The following LEF1 variants were observed in gnomAD, a reference collection of about 807,000 sequenced individuals.
The protein encoded by LEF1 is lymphoid enhancer-binding factor 1.
In LEF1, 14 loss-of-function variants were observed where a neutral mutation model predicts 51.2. That is an observed-to-expected ratio of 0.27 (90% CI 0.18 to 0.43). The LOEUF (loss-of-function observed/expected upper bound fraction) is 0.43, where lower values mean the gene tolerates loss of function less well. Ranked by LOEUF, LEF1 falls within the 20% of genes least tolerant of loss-of-function variation. LEF1 has a pLI of 1.00. For synonymous variants in LEF1, 185 were observed against 183.2 expected (o/e 1.01, Z -0.08); for missense variants, 386 against 512.0 (o/e 0.75, Z 2.37).
intron 8 of LEF1, chr4:108,071,645 G>A (rs2126276196): frequency 6.6e-6 from 1 of 152,276 alleles, no homozygotes; most frequent in South Asian, 2.1e-4. Flanking sequence ...GCATACATCT[G>A]CACATGACTC....
At chr4:108,068,266 T>TCAAAACAAAA (rs373744253) in intron 9 of LEF1, among the ~76,000 whole-genome samples, 40 of 151,700 alleles carry the variant, frequency 2.6e-4, no homozygotes, top group African/African-American at 8.5e-4. Context: ...AATCTCTGTC[T>TCAAAACAAAA]CAAAACAAAA....
At position 108,095,954 on chromosome 4, in the gene LEF1, T is replaced by G. The variant is rs144044414; in HGVS notation, c.415-6697A>C. On this transcript the variant is annotated intron_variant, in intron 3 of 11. Coordinates refer to ENST00000265165, the MANE Select transcript of LEF1 (RefSeq NM_016269.5). ...TATGTAAAGTTGCAACATCCTATTA[T>G]TTGATTGATTTCACAACACCCTCAC... Among the ~76,000 whole-genome samples the G allele has an allele frequency of 3.3e-3, 495 of 152,256 alleles. 5 individuals are homozygous for G. Among genetic ancestry groups the G allele is most frequent in the African/African-American group, 0.011 (472 of 41,530 alleles).
intron 3 of LEF1, among the ~76,000 whole-genome samples, chr4:108,094,068 T>C (rs561442853): frequency 1.6e-3 from 240 of 152,340 alleles, no homozygotes; most frequent in African/African-American, 5.5e-3. Context: ...TGCAGAAGTC[T>C]GGCTCTAGAG....
intron 3 of LEF1, among the ~76,000 whole-genome samples, chr4:108,140,268 C>A (rs1461037225): frequency 2.0e-5 from 3 of 152,062 alleles, no homozygotes; most frequent in Non-Finnish European, 4.4e-5. Flanking sequence ...CAGACTGGAT[C>A]CAGTTTGAAA....
chr4:108,056,852 C>T (rs752464599), intron 11 of LEF1, among the ~76,000 whole-genome samples: 2 of 151,714 alleles, frequency 1.3e-5, no homozygotes, highest in African/African-American at 4.8e-5. Context: ...CAGGACCTCA[C>T]CACTGTGGTA....
chr4:108,068,523 T>C (rs923877129), intron 9 of LEF1, among the ~76,000 whole-genome samples: 3 of 152,348 alleles, frequency 2.0e-5, no homozygotes, highest in Admixed American at 2.0e-4. Context: ...GTCAAGAATT[T>C]AAGACAGTTC....
intron 8 of LEF1, 181 bp from the exon 9 acceptor site, chr4:108,070,951 A>C (rs1037213947): frequency 5.2e-5 from 28 of 541,722 alleles, no homozygotes; most frequent in African/African-American, 4.0e-4. Context: ...GCTACAGTGA[A>C]ACTCAAACTT....
At chr4:108,077,484 G>A (rs1809020) in intron 8 of LEF1, among the ~76,000 whole-genome samples, 3 of 89,808 alleles carry the variant, frequency 3.3e-5, no homozygotes, top group Admixed American at 1.2e-4. Context: ...GCCTCTGCCC[G>A]GCTGCCGCCC....
intron 9 of LEF1, among the ~76,000 whole-genome samples, chr4:108,067,462 T>G (rs1738150793): frequency 6.6e-6 from 1 of 151,752 alleles, no homozygotes; most frequent in African/African-American, 2.4e-5. Context: ...AAAGGTCATA[T>G]GAGGAAGATT....
intron 3 of LEF1, among the ~76,000 whole-genome samples, chr4:108,122,322 T>C (rs543875558): frequency 7.2e-5 from 11 of 152,196 alleles, no homozygotes; most frequent in African/African-American, 2.4e-4. Flanking sequence ...TTATCTGTTA[T>C]TATCATAGTT....
intron 3 of LEF1, among the ~76,000 whole-genome samples, chr4:108,112,872 GTCTAAC>G (rs1741615834): frequency 6.6e-6 from 1 of 152,112 alleles, no homozygotes; most frequent in Non-Finnish European, 1.5e-5. Context: ...TCAAACCAGA[GTCTAAC>G]TCTACAAAGT....
chr4:108,167,139 A>T lies in LEF1; in HGVS notation c.213+416T>A, dbSNP rs1320645054. ...CTTTTGCAGAGACATCTACCAAGAGATAGCGTGTGCACTTTGTTTTCCGTC... is the reference window on the plus strand; with the variant it reads ...CTTTTGCAGAGACATCTACCAAGAGTTAGCGTGTGCACTTTGTTTTCCGTC... On this transcript the variant is annotated intron_variant, in intron 1 of 11. Coordinates refer to ENST00000265165, the MANE Select transcript of LEF1 (RefSeq NM_016269.5). The surrounding 1 kb of genome is among the most constrained non-coding windows in gnomAD (Gnocchi z 5.7). Among the ~76,000 whole-genome samples, 1 of 152,098 alleles carries T rather than the reference A, an allele frequency of 6.6e-6. No homozygotes were observed. Among genetic ancestry groups the T allele is most frequent in the Non-Finnish European group, 1.5e-5 (1 of 67,994 alleles).
At chr4:108,134,144 T>G (rs933568211) in intron 3 of LEF1, among the ~76,000 whole-genome samples, 1 of 135,410 alleles carries the variant, frequency 7.4e-6, no homozygotes, top group Non-Finnish European at 1.6e-5. Context: ...TAATTAAAGT[T>G]GGATTTTGCC....
chr4:108,108,519 T>C (rs1173349586), intron 3 of LEF1, among the ~76,000 whole-genome samples: 1 of 152,116 alleles, frequency 6.6e-6, no homozygotes, highest in Non-Finnish European at 1.5e-5. Flanking sequence ...TCTGTATGTA[T>C]AAAATAAATT....
At position 108,048,612 on chromosome 4, in the gene LEF1, A is replaced by G. The variant is rs1736773998; in HGVS notation, c.*146T>C. On this transcript the variant is annotated 3_prime_UTR_variant, in exon 12 of 12. Transcript: ENST00000265165. ...CGTCTCTAGCAGTGACCTCAGGGTAAAATTGATGTCAGTGTTCCTTTGGGG... is the reference window on the plus strand; with the variant it reads ...CGTCTCTAGCAGTGACCTCAGGGTAGAATTGATGTCAGTGTTCCTTTGGGG... 4 of 1,145,204 alleles carry G rather than the reference A, an allele frequency of 3.5e-6. No individual in the cohort carries two copies. In the South Asian group the frequency reaches 7.0e-5, roughly 20 times the overall value. 70.9% of individuals were successfully genotyped at this position (1,145,204 alleles called of 1,614,324 possible).
Position 108,167,638 on chromosome 4 carries a change from G to C in LEF1, c.130C>G (p.Pro44Ala), listed in dbSNP as rs201622857. 9.0e-5 allele frequency: 146 copies of C among 1,614,232 alleles called. No homozygotes were observed. The East Asian group carries it at 3.2e-3, about 36-fold the overall frequency. ...TCAGCTAAATCGCCTTCCTCTTCGG[G>C]ATGACTGATCTCGGCGAAGATCTTT... ...KEKIFAEISH[P>A]EEEGDLADIK... Residue 44 changes from proline (P) to alanine (A), a missense_variant, in exon 1 of 12, where the codon CCC (proline) becomes GCC (alanine). By Grantham distance (27) the Pro-to-Ala change is conservative. Transcript: ENST00000265165. The surrounding 1 kb of genome is among the most constrained non-coding windows in gnomAD (Gnocchi z 5.7).
chr4:108,065,533 T>A (rs370062243), intron 9 of LEF1, among the ~76,000 whole-genome samples: 1 of 152,204 alleles, frequency 6.6e-6, no homozygotes, highest in African/African-American at 2.4e-5. Flanking sequence ...TTATTTTTGA[T>A]GTGCCGTTTC....
chr4:108,132,659 C>CTTTT (rs749911957), intron 3 of LEF1, among the ~76,000 whole-genome samples: 7,408 of 47,306 alleles, frequency 0.16, 2,665 homozygotes, highest in South Asian at 0.25. Context: ...GAAAATCTGC[C>CTTTT]TTTTTTTTTT....
intron 9 of LEF1, 91 bp downstream of exon 9, chr4:108,070,572 C>T: frequency 1.3e-6 from 1 of 768,702 alleles, no homozygotes; most frequent in South Asian, 1.8e-5. Flanking sequence ...GTAGTACCAG[C>T]ATTATATACA....
Sources: allele counts gnomAD v4.1 joint callset (sites outside exome capture counted in the v4.1 genomes callset), GRCh38; gene constraint gnomAD v4.1.1; non-coding constraint Gnocchi (gnomAD v3.1); transcripts MANE v1.5; gene names NCBI Gene and HGNC (gene_info 2026-07-23, HGNC 2026-07-21).